MYO18B: variants seen among roughly 807,000 people sequenced by gnomAD.
MYO18B encodes myosin XVIIIB.
A neutral mutation model predicts 273.0 loss-of-function variants in MYO18B; 204 were observed. That is an observed-to-expected ratio of 0.75 (90% CI 0.67 to 0.84). The LOEUF is 0.84. Among genes scored for constraint, MYO18B ranks in the 40% least tolerant of loss-of-function variants. The pLI, the probability that MYO18B is intolerant of heterozygous loss-of-function variation, is 0.00. For synonymous variants in MYO18B, 1,330 were observed against 1,305.7 expected (o/e 1.02, Z -0.40); for missense variants, 3,212 against 3,287.6 (o/e 0.98, Z 0.56).
chr22:25,826,423 G>A lies in MYO18B; in HGVS notation c.2710G>A (p.Gly904Arg). The A allele has an allele frequency of 6.2e-7, 1 of 1,613,330 alleles. No individual in the cohort carries two copies. The highest frequency in any genetic ancestry group is 1.1e-5 in the South Asian group (1 of 90,996). ...EETSSGLKMT[G>R]VDCVEGMASG... ...CTCTTTCCCAGGGCTCAAGATGACAGGAGTGGACTGTGTGGAGGGGATGGC... is the reference window on the plus strand; with the variant it reads ...CTCTTTCCCAGGGCTCAAGATGACAAGAGTGGACTGTGTGGAGGGGATGGC... The change falls in exon 14 of 44, where the codon GGA becomes AGA. Residue 904 changes from glycine to arginine, a missense_variant. Physicochemically the swap from Gly to Arg is moderately radical, Grantham distance 125. Transcript: ENST00000335473.
chr22:25,989,340 AC>A (rs1181207975), intron 39 of MYO18B, among the ~76,000 whole-genome samples: 1 of 152,124 alleles, frequency 6.6e-6, no homozygotes, highest in Non-Finnish European at 1.5e-5. Flanking sequence ...TTAACACATA[AC>A]CCACAATGGC....
At chr22:25,816,612 C>G (rs766658570) in intron 12 of MYO18B, among the ~76,000 whole-genome samples, 9 of 150,982 alleles carry the variant, frequency 6.0e-5, no homozygotes, top group Non-Finnish European at 1.2e-4. Context: ...TCTGTCCTTG[C>G]GATAGTTTGC....
At chr22:26,062,289 G>C in the MYO18B span, among the ~76,000 whole-genome samples, 1 of 152,156 alleles carries the variant, frequency 6.6e-6, no homozygotes, top group African/African-American at 2.4e-5. Context: ...TTGAGGATGG[G>C]AAGGTATCTA....
At chr22:25,992,247 T>G (rs992507839) in intron 39 of MYO18B, 116 bp from the exon 40 acceptor site, 5 of 1,324,844 alleles carry the variant, frequency 3.8e-6, no homozygotes, top group Non-Finnish European at 4.2e-6. Context: ...ACTTACCACT[T>G]CATAGGTGCT....
chr22:25,844,955 A>G (rs1010240590), intron 18 of MYO18B, among the ~76,000 whole-genome samples: 1 of 152,110 alleles, frequency 6.6e-6, no homozygotes, highest in Admixed American at 6.6e-5. Context: ...CATAAATAAG[A>G]GCAGGACGAT....
At chr22:25,889,696 C>A (rs1015148586) in intron 25 of MYO18B, among the ~76,000 whole-genome samples, 1 of 152,030 alleles carries the variant, frequency 6.6e-6, no homozygotes, top group African/African-American at 2.4e-5. Flanking sequence ...ACGTACTCTG[C>A]CATATCCTCA....
At chr22:26,028,444 A>G (rs1240995059) in intron 43 of MYO18B, 2 of 152,170 alleles carry the variant, frequency 1.3e-5, no homozygotes, top group African/African-American at 4.8e-5. Flanking sequence ...AGTGGAGTCC[A>G]CTTGCATTGC....
chr22:25,922,858 T>G (rs2092368106), intron 34 of MYO18B, among the ~76,000 whole-genome samples: 1 of 152,190 alleles, frequency 6.6e-6, no homozygotes, highest in Non-Finnish European at 1.5e-5. Flanking sequence ...ACATTTCAGT[T>G]AGAGCTTATT....
At chr22:25,771,089 A>C in intron 6 of MYO18B, 105 bp downstream of exon 6, 1 of 824,244 alleles carries the variant, frequency 1.2e-6, no homozygotes, top group Non-Finnish European at 2.0e-6. Flanking sequence ...CTTGTTCCTG[A>C]CTACCAATAC....
chr22:25,894,168 C>G (rs914153753), intron 27 of MYO18B, among the ~76,000 whole-genome samples: 2 of 152,210 alleles, frequency 1.3e-5, no homozygotes, highest in African/African-American at 2.4e-5. Flanking sequence ...CTATAAGCTT[C>G]TTTATGAAAG....
chr22:25,843,676 G>A (rs1296641943), intron 17 of MYO18B, 59 bp from the exon 18 acceptor site: 27 of 1,550,006 alleles, frequency 1.7e-5, no homozygotes, highest in Non-Finnish European at 2.3e-5. Context: ...AGGGATGCCA[G>A]CTGATTGCAG....
At chr22:25,868,451 T>A (rs1019236055) in intron 22 of MYO18B, 66 bp downstream of exon 22, 8 of 1,310,996 alleles carry the variant, frequency 6.1e-6, no homozygotes, top group Admixed American at 4.1e-5. Context: ...GACCTGATTC[T>A]TGTCCTACCT....
intron 17 of MYO18B, among the ~76,000 whole-genome samples, chr22:25,840,856 G>A (rs980650380): frequency 6.6e-6 from 1 of 152,108 alleles, no homozygotes; most frequent in Non-Finnish European, 1.5e-5. Flanking sequence ...CTAGCAGTGT[G>A]CTATAAAGCC....
At chr22:25,748,363 A>G (rs747537127) in intron 1 of MYO18B, among the ~76,000 whole-genome samples, 1 of 152,164 alleles carries the variant, frequency 6.6e-6, no homozygotes, top group Non-Finnish European at 1.5e-5. Context: ...TCCCTGGTCT[A>G]TGGATGCCAG....
At chr22:25,766,482 A>G (rs552261962) in intron 3 of MYO18B, among the ~76,000 whole-genome samples, 1 of 152,364 alleles carries the variant, frequency 6.6e-6, no homozygotes, top group East Asian at 1.9e-4. Flanking sequence ...CCACGCTGTG[A>G]CTGGTGTACT....
At chr22:25,902,822 CAGAG>C (rs1474204783) in intron 30 of MYO18B, 86 bp downstream of exon 30, 6 of 1,447,372 alleles carry the variant, frequency 4.1e-6, no homozygotes, top group Non-Finnish European at 5.6e-6. Flanking sequence ...CAAATGGTGA[CAGAG>C]AGAAAACTTC....
chr22:25,934,477 G>C (rs976021629), intron 34 of MYO18B, among the ~76,000 whole-genome samples: 3 of 152,164 alleles, frequency 2.0e-5, no homozygotes, highest in African/African-American at 7.2e-5. Flanking sequence ...TTTGAGGCAG[G>C]TCTCAGTTAA....
At chr22:25,791,287 A>G (rs535083988) in intron 11 of MYO18B, among the ~76,000 whole-genome samples, 2 of 152,354 alleles carry the variant, frequency 1.3e-5, no homozygotes, top group South Asian at 4.1e-4. Flanking sequence ...TGAATTAGAC[A>G]GGTGCAGGGA....
intron 34 of MYO18B, among the ~76,000 whole-genome samples, chr22:25,942,302 C>T (rs1461054140): frequency 6.6e-6 from 1 of 152,222 alleles, no homozygotes; most frequent in African/African-American, 2.4e-5. Flanking sequence ...TCATCCCTGG[C>T]AGGTTCCAGG....
Sources: gnomAD v4.1 joint callset for allele counts (sites outside exome capture counted in the v4.1 genomes callset) on GRCh38, gnomAD v4.1.1 for gene constraint, MANE v1.5 for transcripts, NCBI Gene and HGNC (gene_info 2026-07-23, HGNC 2026-07-21) for gene names.